Variants in NXT1 observed in about 807,000 individuals in gnomAD.
NXT1 encodes NTF2-related export protein 1.
Under a neutral mutation model 9.9 loss-of-function variants are expected in NXT1, and 3 were observed. That is an observed-to-expected ratio of 0.30 (90% confidence interval 0.14 to 0.79). NXT1 has a LOEUF of 0.79. NXT1 is among the 30% of genes least tolerant of loss of function. The pLI, the probability that NXT1 is intolerant of heterozygous loss-of-function variation, is 0.63. For synonymous variants in NXT1, 53 were observed against 66.5 expected, an observed-to-expected ratio of 0.80 and a Z score of 0.99; for missense variants, 91 against 178.2, an observed-to-expected ratio of 0.51 and a Z score of 2.79.
At chr20:23,353,481 G>A (rs866911835) in intron 1 of NXT1, among the ~76,000 whole-genome samples, 3 of 152,190 alleles carry the variant, frequency 2.0e-5, no homozygotes, top group African/African-American at 4.8e-5. Flanking sequence ...TTAGCCAGGC[G>A]TGGTGGCGGG....
rs982078634 is a variant in NXT1 at position 23,351,008 on chromosome 20, G to T, written c.-115G>T. The T allele has an allele frequency of 6.6e-6, 1 of 152,188 alleles. No individual in the cohort carries two copies. The highest frequency in any genetic ancestry group is 2.4e-5 in the African/African-American group (1 of 41,450). 9.4% of individuals were successfully genotyped at this position (152,188 alleles called of 1,614,324 possible). A position where few individuals can be genotyped will look rare whatever the true frequency, so the allele number is the denominator to read the frequency against. On this transcript the variant is annotated 5_prime_UTR_variant, in exon 1 of 2. Coordinates refer to ENST00000254998, the MANE Select transcript of NXT1 (RefSeq NM_013248.3). ...AGTGGAACTGCGTCCCACGCGGGGGGCGTCCCGACCGTGGGGGCCGCGGCC... is the reference window on the plus strand; with the variant it reads ...AGTGGAACTGCGTCCCACGCGGGGGTCGTCCCGACCGTGGGGGCCGCGGCC...
At chr20:23,353,833 T>G (rs1446180917) in intron 1 of NXT1, 148 bp from the exon 2 acceptor site, 1 of 591,106 alleles carries the variant, frequency 1.7e-6, no homozygotes, top group African/African-American at 1.9e-5. Flanking sequence ...TAGGCATTTT[T>G]AGGCATTGGG....
intron 1 of NXT1, among the ~76,000 whole-genome samples, chr20:23,353,698 A>T (rs531542195): frequency 6.6e-6 from 1 of 152,318 alleles, no homozygotes; most frequent in South Asian, 2.1e-4. Flanking sequence ...TGGATGCAAA[A>T]CCCTCAGATA....
intron 1 of NXT1, chr20:23,351,280 G>T (rs970675019): frequency 3.3e-5 from 5 of 152,400 alleles, no homozygotes; most frequent in African/African-American, 1.2e-4. Context: ...GGTCTGAGGA[G>T]GGCCGGGCAG....
chr20:23,351,443 G>C (rs1436303328), intron 1 of NXT1: 1 of 152,238 alleles, frequency 6.6e-6, no homozygotes, highest in African/African-American at 2.4e-5. Context: ...TAGTCCTCAC[G>C]GTCAGGTTCT....
chr20:23,353,993 C>G lies in NXT1; in HGVS notation c.-49C>G, dbSNP rs1353379024. 6.4e-7 allele frequency: 1 copy of G among 1,572,582 alleles called. No individual in the cohort carries two copies. Reference sequence around the variant, plus strand: ...TACTTCCCTGCAGCCCCTGGTTCCCCAAGGCAGAGGAAATACCCTGGTGGA... The same window carrying G: ...TACTTCCCTGCAGCCCCTGGTTCCCGAAGGCAGAGGAAATACCCTGGTGGA... On this transcript the variant is annotated 5_prime_UTR_variant, in exon 2 of 2. Transcript: ENST00000254998.
intron 1 of NXT1, 53 bp from the exon 2 acceptor site, chr20:23,353,928 C>T (rs777703571): frequency 8.3e-5 from 81 of 973,650 alleles, no homozygotes; most frequent in Admixed American, 1.3e-4. Flanking sequence ...ATTGTCAGGG[C>T]AGAATGAACT....
chr20:23,351,638 G>A lies in NXT1; in HGVS notation c.-62+577G>A, dbSNP rs552850572. Among the ~76,000 whole-genome samples, 5 of 152,284 alleles carry A rather than the reference G, an allele frequency of 3.3e-5. No individual in the cohort carries two copies. The South Asian group carries it at 1.0e-3, about 32-fold the overall frequency. On this transcript the variant is annotated intron_variant, in intron 1 of 1. Coordinates refer to ENST00000254998, the MANE Select transcript of NXT1 (RefSeq NM_013248.3). ...TGGGGGGACTGGTGCCATGGAGGGA[G>A]GAGGAGTGAGGTGGAGATCGGGAAT...
At chr20:23,353,933 T>A in intron 1 of NXT1, 48 bp from the exon 2 acceptor site, 1 of 1,034,704 alleles carries the variant, frequency 9.7e-7, no homozygotes, top group African/African-American at 1.6e-5. Flanking sequence ...CAGGGCAGAA[T>A]GAACTTTGGC....
At chr20:23,351,893 C>T (rs977186631) in intron 1 of NXT1, among the ~76,000 whole-genome samples, 4 of 152,146 alleles carry the variant, frequency 2.6e-5, no homozygotes, top group Non-Finnish European at 5.9e-5. Flanking sequence ...ATAGTAATAC[C>T]TTTTTCATCC....
chr20:23,353,271 G>GC (rs1031404028), intron 1 of NXT1, among the ~76,000 whole-genome samples: 5 of 152,288 alleles, frequency 3.3e-5, no homozygotes, highest in East Asian at 3.9e-4. Flanking sequence ...GATTCCAGCA[G>GC]CCCCCCTAGC....
intron 1 of NXT1, chr20:23,351,465 GAC>G (rs1278462603): frequency 7.9e-5 from 12 of 152,264 alleles, no homozygotes; most frequent in Admixed American, 7.2e-4. Context: ...TTTCTGATTT[GAC>G]ACAGACAGCG....
intron 1 of NXT1, among the ~76,000 whole-genome samples, chr20:23,353,669 C>G (rs2122996967): frequency 6.6e-6 from 1 of 152,310 alleles, no homozygotes; most frequent in South Asian, 2.1e-4. Context: ...AGGTTTCGCC[C>G]TGAGGTTGGC....
In NXT1 at chr20:23,354,134, G is replaced by A; in HGVS notation, c.93G>A (p.Arg31=). The A allele has an allele frequency of 6.2e-7, 1 of 1,614,146 alleles. No homozygotes were observed. Among genetic ancestry groups the A allele is most frequent in the Non-Finnish European group, 8.5e-7 (1 of 1,180,042 alleles). ...TCTACTACACCACCATGGATAAGCGGCGGCGTTTGCTGTCCCGCCTGTACA... is the reference window on the plus strand; with the variant it reads ...TCTACTACACCACCATGGATAAGCGACGGCGTTTGCTGTCCCGCCTGTACA... The part of the protein sequence containing the change: ...VNVYYTTMDK[R]RRLLSRLYMG... The change falls in exon 2 of 2, where the codon CGG becomes CGA. Residue 31 remains arginine (R), a synonymous_variant. Transcript: ENST00000254998.
Position 23,354,605 on chromosome 20 carries a change from A to T in NXT1, c.*141A>T. ...GCAGACTCCACTGTGCCGAGGTTGA[A>T]CTCTTTTTTGTTGCTCAAGTTCTAG... On this transcript the variant is annotated 3_prime_UTR_variant, in exon 2 of 2. Coordinates refer to ENST00000254998, the MANE Select transcript of NXT1 (RefSeq NM_013248.3). 2.1e-6 allele frequency: 2 copies of T among 949,706 alleles called. No homozygotes were observed. The highest frequency in any genetic ancestry group is 3.1e-6 in the Non-Finnish European group (2 of 647,736). The allele number at this position is 949,706 out of a possible 1,614,324, so 58.8% of individuals were successfully genotyped here.
intron 1 of NXT1, among the ~76,000 whole-genome samples, chr20:23,352,295 A>T (rs1039003018): frequency 1.3e-5 from 2 of 152,174 alleles, no homozygotes; most frequent in Non-Finnish European, 2.9e-5. Context: ...GGACCACTGT[A>T]CTCAGTCCAG....
chr20:23,354,489 T>C lies in NXT1; in HGVS notation c.*25T>C. ...GTGGGGGTGGCAGAGGTCTCTTTGC[T>C]TCATTCAGCCCTAGCTCTGTAGAGA... On this transcript the variant is annotated 3_prime_UTR_variant, in exon 2 of 2. Coordinates refer to ENST00000254998, the MANE Select transcript of NXT1 (RefSeq NM_013248.3). The C allele has an allele frequency of 2.5e-6, 4 of 1,594,280 alleles. No homozygotes were observed. The highest frequency in any genetic ancestry group is 3.4e-6 in the Non-Finnish European group (4 of 1,168,432).
rs1980241199 is a variant in NXT1, at chr20:23,350,931, C to G, written c.-192C>G. On this transcript the variant is annotated 5_prime_UTR_variant, in exon 1 of 2. Transcript: ENST00000254998. ...AGAGAAAGGCGGCTCTTCCCGTGCCCCTACCAGAGGCTTCGGTGGGCCCAC... is the reference window on the plus strand; with the variant it reads ...AGAGAAAGGCGGCTCTTCCCGTGCCGCTACCAGAGGCTTCGGTGGGCCCAC... 1 of 152,134 alleles carries G rather than the reference C, an allele frequency of 6.6e-6. No individual in the cohort carries two copies. Among genetic ancestry groups the G allele is most frequent in the African/African-American group, 2.4e-5 (1 of 41,432 alleles). 9.4% of individuals were successfully genotyped at this position (152,134 alleles called of 1,614,324 possible).
At chr20:23,352,550 C>A (rs901677946) in intron 1 of NXT1, among the ~76,000 whole-genome samples, 2 of 150,362 alleles carry the variant, frequency 1.3e-5, no homozygotes, top group Non-Finnish European at 2.9e-5. Flanking sequence ...TGAAAAAAAA[C>A]TGTTCACTAA....
Sources: allele counts gnomAD v4.1 joint callset (sites outside exome capture counted in the v4.1 genomes callset), GRCh38; gene constraint gnomAD v4.1.1; transcripts MANE v1.5; gene names NCBI Gene and HGNC (gene_info 2026-07-23, HGNC 2026-07-21).